Variants in CMIP observed in about 807,000 individuals in gnomAD.
The protein encoded by CMIP is c-Maf inducing protein.
A neutral mutation model predicts 97.3 loss-of-function variants in CMIP; 13 were observed. The observed-to-expected ratio is 0.13, with a 90% CI of 0.09 to 0.21. The LOEUF is 0.21. Among genes scored for constraint, CMIP ranks in the 10% least tolerant of loss-of-function variants. The probability of loss-of-function intolerance (pLI) is 1.00; values close to 1 mark genes in which losing one functional copy is unlikely to be tolerated. For synonymous variants in CMIP, 538 were observed against 436.3 expected (o/e 1.23, Z -2.91); for missense variants, 847 against 1,024.9 (o/e 0.83, Z 2.37).
intron 3 of CMIP, among the ~76,000 whole-genome samples, chr16:81,634,195 T>C (rs1218762226): frequency 1.3e-5 from 2 of 152,262 alleles, no homozygotes; most frequent in African/African-American, 4.8e-5. Flanking sequence ...TGAGAACCAC[T>C]GCAGTAGTGT....
At chr16:81,467,032 T>A (rs1393849945) in intron 1 of CMIP, among the ~76,000 whole-genome samples, 3 of 152,252 alleles carry the variant, frequency 2.0e-5, no homozygotes, top group Non-Finnish European at 2.9e-5. Flanking sequence ...CAAACTGCCC[T>A]TTGAAGCTGT....
chr16:81,598,868 C>G (rs1362741614), intron 1 of CMIP, among the ~76,000 whole-genome samples: 1 of 149,026 alleles, frequency 6.7e-6, no homozygotes, highest in Non-Finnish European at 1.5e-5. Context: ...ACTTGGGAGG[C>G]TGAGGCAGGA....
chr16:81,678,268 C>A lies in CMIP; in HGVS notation c.1035-7C>A. 6.3e-7 allele frequency: 1 copy of A among 1,577,016 alleles called. No homozygotes were observed. Among genetic ancestry groups the A allele is most frequent in the South Asian group, 1.1e-5 (1 of 87,024 alleles). ...ACTCATGTGCCCTCTCCCGCCTCTT[C>A]CCCCAGCCGCGACAATTCCCCAAGC... is the stretch of plus-strand genomic sequence containing the variant. On this transcript the variant is annotated splice_polypyrimidine_tract_variant and splice_region_variant and intron_variant, in intron 9 of 20. Transcript: ENST00000537098.
At chr16:81,471,314 A>G (rs183560963) in intron 1 of CMIP, among the ~76,000 whole-genome samples, 35 of 152,358 alleles carry the variant, frequency 2.3e-4, no homozygotes, top group Admixed American at 2.3e-3. Context: ...ATGTACCCAC[A>G]CGCACACATA....
At chr16:81,641,627 C>A (rs1192116463) in intron 3 of CMIP, among the ~76,000 whole-genome samples, 1 of 152,144 alleles carries the variant, frequency 6.6e-6, no homozygotes, top group Non-Finnish European at 1.5e-5. Context: ...CCTGAGTTCC[C>A]GCTGTTTCCC....
chr16:81,597,615 C>A (rs1188205829), intron 1 of CMIP, among the ~76,000 whole-genome samples: 2 of 151,164 alleles, frequency 1.3e-5, no homozygotes, highest in African/African-American at 2.4e-5. Context: ...AGTCTCCCAG[C>A]CTGGAAGGTC....
At chr16:81,653,274 C>G (rs1468848311) in intron 4 of CMIP, among the ~76,000 whole-genome samples, 14 of 152,188 alleles carry the variant, frequency 9.2e-5, no homozygotes, top group Admixed American at 9.2e-4. Context: ...CCGTCAAGCT[C>G]CCATGCAAGT....
At chr16:81,709,612 C>T in intron 20 of CMIP, 134 bp from the exon 21 acceptor site, 2 of 926,890 alleles carry the variant, frequency 2.2e-6, no homozygotes, top group South Asian at 1.6e-5. Flanking sequence ...TCCAAGAGCC[C>T]AGGTAGCCCA....
At chr16:81,525,385 C>T (rs1167394165) in intron 1 of CMIP, among the ~76,000 whole-genome samples, 2 of 152,244 alleles carry the variant, frequency 1.3e-5, no homozygotes, top group Non-Finnish European at 2.9e-5. Context: ...TCAGGTGATC[C>T]GTGCATCTCG....
Position 81,707,023 on chromosome 16 carries a change from G to A in CMIP, c.2207G>A (p.Ser736Asn). Residue 736 changes from serine to asparagine, a missense_variant, in exon 20 of 21, where the codon AGT becomes AAT. Physicochemically the swap from Ser to Asn is conservative, Grantham distance 46 (BLOSUM62 1). Coordinates refer to ENST00000537098, the MANE Select transcript of CMIP (RefSeq NM_198390.3). ...AGLLALSSMK[S>N]LCSLNMNSTK... ...TCTGTCTCTTGTGCAGCCATGAAGAGTCTCTGCAGTTTAAACATGAACAGC... is the reference window on the plus strand; with the variant it reads ...TCTGTCTCTTGTGCAGCCATGAAGAATCTCTGCAGTTTAAACATGAACAGC... 1.2e-6 allele frequency: 2 copies of A among 1,613,684 alleles called. No homozygotes were observed. Among genetic ancestry groups the A allele is most frequent in the Non-Finnish European group, 1.7e-6 (2 of 1,179,722 alleles).
intron 13 of CMIP, among the ~76,000 whole-genome samples, chr16:81,694,871 A>G (rs1358172478): frequency 2.0e-5 from 3 of 152,220 alleles, no homozygotes; most frequent in Non-Finnish European, 4.4e-5. Flanking sequence ...GCATGGAGGG[A>G]AAAAGGAGAA....
rs1196795196 is a variant in CMIP at position 81,710,755 on chromosome 16, C to G, written c.*956C>G. On this transcript the variant is annotated 3_prime_UTR_variant, in exon 21 of 21. Coordinates refer to ENST00000537098, the MANE Select transcript of CMIP (RefSeq NM_198390.3). ...TGCTCCACTAAGGCCCAAGCTCTTTCTCTCGGCACCTTTTAGACTTGAATG... is the reference window on the plus strand; with the variant it reads ...TGCTCCACTAAGGCCCAAGCTCTTTGTCTCGGCACCTTTTAGACTTGAATG... 1 of 152,074 alleles carries G rather than the reference C, an allele frequency of 6.6e-6. No homozygotes were observed. The highest frequency in any genetic ancestry group is 6.5e-5 in the Admixed American group (1 of 15,268). The allele number at this position is 152,074 out of a possible 1,614,324, so 9.4% of individuals were successfully genotyped here.
At chr16:81,475,959 C>T (rs75094169) in intron 1 of CMIP, 9 of 446,030 alleles carry the variant, frequency 2.0e-5, no homozygotes, top group East Asian at 1.6e-4. Flanking sequence ...TGCGCTCCAG[C>T]GTGGGTGACA....
chr16:81,524,957 G>C (rs1057459083), intron 1 of CMIP, among the ~76,000 whole-genome samples: 4 of 151,630 alleles, frequency 2.6e-5, no homozygotes, highest in Non-Finnish European at 4.4e-5. Flanking sequence ...CATCATGCCT[G>C]GCTGATAATT....
At chr16:81,461,230 C>G (rs1906880188) in intron 1 of CMIP, among the ~76,000 whole-genome samples, 1 of 152,196 alleles carries the variant, frequency 6.6e-6, no homozygotes, top group Admixed American at 6.5e-5. Flanking sequence ...GCTGGCTGGG[C>G]AGACAGCCTT....
rs1328734070 is a variant in CMIP at position 81,512,141 on chromosome 16, T to A, written c.300+66600T>A. Among the ~76,000 whole-genome samples, 3 of 152,376 alleles carry A rather than the reference T, an allele frequency of 2.0e-5. 1 individual carries two copies. In the South Asian group the frequency reaches 6.2e-4, roughly 32 times the overall value. On this transcript the variant is annotated intron_variant, in intron 1 of 20. Coordinates refer to ENST00000537098, the MANE Select transcript of CMIP (RefSeq NM_198390.3). ...TTTTTAAAATGTGGCTACTAGAATA[T>A]TTAGTTTTAAACATGTGGCTTGCAT... is the stretch of plus-strand genomic sequence containing the variant.
intron 1 of CMIP, among the ~76,000 whole-genome samples, chr16:81,582,773 G>T (rs2091317168): frequency 6.6e-6 from 1 of 152,192 alleles, no homozygotes; most frequent in Non-Finnish European, 1.5e-5. Flanking sequence ...CAGCAAATCA[G>T]GATGAAGCAA....
chr16:81,498,545 G>A lies in CMIP; in HGVS notation c.300+53004G>A, dbSNP rs151027480. Among the ~76,000 whole-genome samples the A allele has an allele frequency of 6.6e-3, 999 of 152,312 alleles. 9 individuals carry two copies. Among genetic ancestry groups the A allele is most frequent in the Non-Finnish European group, 0.011 (754 of 68,006 alleles). ...CTCTGCTCCTCGCGCCTCACTCTGA[G>A]AGGGTCCTTCCACCTGACTCATGGC... On this transcript the variant is annotated intron_variant, in intron 1 of 20. Transcript: ENST00000537098.
At chr16:81,685,043 G>T (rs185706821) in intron 10 of CMIP, among the ~76,000 whole-genome samples, 211 of 152,348 alleles carry the variant, frequency 1.4e-3, no homozygotes, top group African/African-American at 3.8e-3. Flanking sequence ...TGCACAAGAG[G>T]GTTCCTCATT....
Sources: gnomAD v4.1 joint callset for allele counts (sites outside exome capture counted in the v4.1 genomes callset) on GRCh38, gnomAD v4.1.1 for gene constraint, MANE v1.5 for transcripts, NCBI Gene and HGNC (gene_info 2026-07-23, HGNC 2026-07-21) for gene names.